ANKRD28: variants seen among roughly 807,000 people sequenced by gnomAD.
ANKRD28 encodes the protein serine/threonine-protein phosphatase 6 regulatory ankyrin repeat subunit A.
A neutral mutation model predicts 126.5 loss-of-function variants in ANKRD28; 44 were observed. The observed-to-expected ratio is 0.35, with a 90% CI of 0.27 to 0.45. ANKRD28 has a LOEUF of 0.45. ANKRD28 is among the 20% of genes least tolerant of loss of function. The probability of loss-of-function intolerance (pLI) is 1.00; values close to 1 mark genes in which losing one functional copy is unlikely to be tolerated. For synonymous variants in ANKRD28, 442 were observed against 468.5 expected (o/e 0.94, Z 0.73); for missense variants, 1,110 against 1,316.6 (o/e 0.84, Z 2.43).
intron 2 of ANKRD28, among the ~76,000 whole-genome samples, chr3:15,785,069 T>C (rs1178844946): frequency 6.6e-6 from 1 of 152,098 alleles, no homozygotes; most frequent in Non-Finnish European, 1.5e-5. Flanking sequence ...CTCAGCCCCA[T>C]GGCAGGTACC....
Position 15,686,124 on chromosome 3 carries a change from G to A in ANKRD28, c.2052-5C>T. ...ACAGATAGCATCAGAGGCGTCCTGA[G>A]CAACAACAGGAATAGGTTCAGTGCT... On this transcript the variant is annotated splice_polypyrimidine_tract_variant and splice_region_variant and intron_variant, in intron 19 of 27. Coordinates refer to ENST00000683139, the MANE Select transcript of ANKRD28 (RefSeq NM_001349278.2). The A allele has an allele frequency of 3.7e-6, 6 of 1,611,238 alleles. No individual in the cohort carries two copies. Among genetic ancestry groups the A allele is most frequent in the Non-Finnish European group, 5.1e-6 (6 of 1,178,432 alleles).
intron 6 of ANKRD28, among the ~76,000 whole-genome samples, chr3:15,734,384 C>T (rs1432368036): frequency 3.3e-5 from 5 of 152,174 alleles, no homozygotes; most frequent in Non-Finnish European, 5.9e-5. Context: ...AACTAGATGT[C>T]TTTGTAATCA....
At chr3:15,781,811 C>T (rs1341384276) in intron 2 of ANKRD28, among the ~76,000 whole-genome samples, 1 of 152,000 alleles carries the variant, frequency 6.6e-6, no homozygotes, top group Non-Finnish European at 1.5e-5. Context: ...GTTTAGGAGA[C>T]AGTCTGCAGC....
At chr3:15,725,109 G>A (rs764111175) in intron 6 of ANKRD28, among the ~76,000 whole-genome samples, 6 of 152,126 alleles carry the variant, frequency 3.9e-5, no homozygotes, top group Non-Finnish European at 8.8e-5. Flanking sequence ...TCAACCAACT[G>A]CAGACTGAAA....
In ANKRD28 at chr3:15,859,377, C is replaced by T. The variant is rs529879064; in HGVS notation, c.27G>A (p.Gln9=). 4 of 1,529,340 alleles carry T rather than the reference C, an allele frequency of 2.6e-6. No individual in the cohort carries two copies. The Admixed American group carries it at 8.0e-5, about 31-fold the overall frequency. The allele number at this position is 1,529,340 out of a possible 1,614,324, so 94.7% of individuals were successfully genotyped here. Reference sequence around the variant, plus strand: ...TCCCGCCCTGCAGCCCCTCACCTACCTGGTCACGGAGTTTGAGGAACGCCA... The same window carrying T: ...TCCCGCCCTGCAGCCCCTCACCTACTTGGTCACGGAGTTTGAGGAACGCCA... Residue 9 remains glutamine (Q), a splice_region_variant and synonymous_variant, in exon 1 of 28, where the codon CAG becomes CAA. Transcript: ENST00000399451.
chr3:15,694,921 A>C, intron 16 of ANKRD28, 108 bp from the exon 17 acceptor site: 1 of 992,092 alleles, frequency 1.0e-6, no homozygotes, highest in Non-Finnish European at 1.6e-6. Flanking sequence ...GCAACTCAGC[A>C]AACTTATAAA....
intron 2 of ANKRD28, among the ~76,000 whole-genome samples, chr3:15,781,936 A>T (rs955116987): frequency 2.6e-5 from 4 of 152,126 alleles, no homozygotes; most frequent in Non-Finnish European, 5.9e-5. Context: ...ACTGAGTGGG[A>T]AAGGAGTGTA....
rs1367584419 is a variant in ANKRD28, at chr3:15,817,659, T to C, written c.28-22353A>G. Among the ~76,000 whole-genome samples the C allele has an allele frequency of 6.6e-6, 1 of 152,106 alleles. No homozygotes were observed. Among genetic ancestry groups the C allele is most frequent in the Non-Finnish European group, 1.5e-5 (1 of 68,008 alleles). The stretch of plus-strand genomic sequence containing the variant: ...TTGCTAAGTGATCGCTATACTGAGA[T>C]TTATATATTTAAATAAATATAAAAT... On this transcript the variant is annotated intron_variant, in intron 1 of 27. Transcript: ENST00000399451. The surrounding 1 kb of genome is among the most constrained non-coding windows in gnomAD (Gnocchi z 4.5).
chr3:15,739,520 C>T (rs1022066051), intron 4 of ANKRD28, among the ~76,000 whole-genome samples: 1 of 152,102 alleles, frequency 6.6e-6, no homozygotes, highest in Admixed American at 6.6e-5. Context: ...CTATTATTTA[C>T]AAGGCATACT....
In ANKRD28 at chr3:15,735,457, G is replaced by C. The variant is rs1422465651; in HGVS notation, c.593C>G (p.Ala198Gly). The part of the protein sequence containing the change: ...LLLSRGANIN[A>G]FDKKDRRAIH... ...AGCACGCCTATCTTTCTTGTCAAAA[G>C]CATTAATATTGGCACCTCTAGACAA... The change falls in exon 6 of 28, where the codon GCT becomes GGT. Residue 198 changes from alanine to glycine, a missense_variant. Transcript: ENST00000683139. 1 of 1,560,334 alleles carries C rather than the reference G, an allele frequency of 6.4e-7. No homozygotes were observed. The highest frequency in any genetic ancestry group is 1.4e-5 in the African/African-American group (1 of 73,478).
intron 1 of ANKRD28, among the ~76,000 whole-genome samples, chr3:15,821,422 C>T (rs1356457852): frequency 6.6e-6 from 1 of 152,136 alleles, no homozygotes; most frequent in African/African-American, 2.4e-5. Context: ...TACTTTTAAA[C>T]ACAATATATT....
rs193108571 is a variant in ANKRD28, at chr3:15,852,945, C to T, written c.27+6432G>A. 4.1e-3 allele frequency among the ~76,000 whole-genome samples: 619 copies of T among 151,460 alleles called. 3 individuals are homozygous for T. Among genetic ancestry groups the T allele is most frequent in the African/African-American group, 0.015 (602 of 41,228 alleles). ...TTCTATCCAGACTCTACTATGTAAG[C>T]CAATCAGCATACACATAGAAGAATC... is the stretch of plus-strand genomic sequence containing the variant. On this transcript the variant is annotated intron_variant, in intron 1 of 27. Coordinates refer to the ANKRD28 transcript ENST00000399451.
rs2066043066 is a variant in ANKRD28 at position 15,667,491 on chromosome 3, T to G, written c.*2779A>C. ...TAAGTTAAATAAAGCAAACAGGCTTTTCTACTCTGTGTGAGGATAAGAAAC... is the reference window on the plus strand; with the variant it reads ...TAAGTTAAATAAAGCAAACAGGCTTGTCTACTCTGTGTGAGGATAAGAAAC... On this transcript the variant is annotated 3_prime_UTR_variant, in exon 28 of 28. Coordinates refer to ENST00000683139, the MANE Select transcript of ANKRD28 (RefSeq NM_001349278.2). 6.6e-6 allele frequency: 1 copy of G among 152,354 alleles called. No individual in the cohort carries two copies. Among genetic ancestry groups the G allele is most frequent in the South Asian group, 2.1e-4 (1 of 4,828 alleles). 9.4% of individuals were successfully genotyped at this position (152,354 alleles called of 1,614,324 possible). A position where few individuals can be genotyped will look rare whatever the true frequency, so the allele number is the denominator to read the frequency against.
intron 2 of ANKRD28, among the ~76,000 whole-genome samples, chr3:15,788,610 T>C (rs1266141546): frequency 6.6e-6 from 1 of 152,114 alleles, no homozygotes; most frequent in Non-Finnish European, 1.5e-5. Context: ...TAATAAAAAA[T>C]TAATATTTGT....
At chr3:15,730,500 C>T (rs1015642210) in intron 6 of ANKRD28, among the ~76,000 whole-genome samples, 1 of 152,214 alleles carries the variant, frequency 6.6e-6, no homozygotes, top group African/African-American at 2.4e-5. Context: ...TACAAGACTA[C>T]ACATAATCCC....
chr3:15,859,115 G>A (rs1183654886), intron 1 of ANKRD28, among the ~76,000 whole-genome samples: 1 of 152,218 alleles, frequency 6.6e-6, no homozygotes. Flanking sequence ...CGACGCGAGG[G>A]CGGTGAGCGT....
At chr3:15,836,507 A>C (rs2061329176) in intron 1 of ANKRD28, among the ~76,000 whole-genome samples, 1 of 152,198 alleles carries the variant, frequency 6.6e-6, no homozygotes, top group Non-Finnish European at 1.5e-5. Flanking sequence ...ATATAAAAGG[A>C]TTAAACACTC....
At chr3:15,697,309 T>G (rs967935719) in intron 14 of ANKRD28, 1 of 152,912 alleles carries the variant, frequency 6.5e-6, no homozygotes, top group African/African-American at 2.4e-5. Context: ...GTACCCAATA[T>G]GTAGTCTTTT....
rs79685655 is a variant in ANKRD28, at chr3:15,836,031, T to C, written c.27+23346A>G. ...TTGTCAAGTTTATCCCATATAAACATATGAAAATGAAGCACAAAAATGGGA... is the reference window on the plus strand; with the variant it reads ...TTGTCAAGTTTATCCCATATAAACACATGAAAATGAAGCACAAAAATGGGA... On this transcript the variant is annotated intron_variant, in intron 1 of 27. Transcript: ENST00000399451. Among the ~76,000 whole-genome samples, 920 of 152,144 alleles carry C rather than the reference T, an allele frequency of 6.0e-3. 10 individuals carry two copies. The highest frequency in any genetic ancestry group is 0.021 in the African/African-American group (879 of 41,522).
Sources: gnomAD v4.1 joint callset for allele counts (sites outside exome capture counted in the v4.1 genomes callset) on GRCh38, gnomAD v4.1.1 for gene constraint, Gnocchi (gnomAD v3.1) non-coding constraint, MANE v1.5 for transcripts, NCBI Gene and HGNC (gene_info 2026-07-23, HGNC 2026-07-21) for gene names.